The following ZNF451 variants were observed in gnomAD, a reference collection of about 807,000 sequenced individuals.
ZNF451 encodes the protein E3 SUMO-protein ligase ZNF451.
ZNF451 carries 80 observed loss-of-function variants against 107.1 expected under a neutral mutation model. That is an observed-to-expected ratio of 0.75 (90% CI 0.62 to 0.90). The LOEUF is 0.90. Ranked by LOEUF, ZNF451 falls within the 40% of genes least tolerant of loss-of-function variation. ZNF451 has a pLI of 0.00. For missense variants in ZNF451, 1,107 were observed against 1,236.2 expected, an observed-to-expected ratio of 0.90 and a Z score of 1.57; for synonymous variants, 362 against 406.5, an observed-to-expected ratio of 0.89 and a Z score of 1.32.
intron 2 of ZNF451, among the ~76,000 whole-genome samples, chr6:57,095,349 T>A (rs904238416): frequency 2.8e-5 from 4 of 141,244 alleles, no homozygotes; most frequent in African/African-American, 7.9e-5. Context: ...TTTTTTTTTT[T>A]AAAGAGATAG....
intron 12 of ZNF451, 136 bp from the exon 13 acceptor site, chr6:57,153,725 T>TATGTC: frequency 1.2e-6 from 1 of 819,740 alleles, no homozygotes; most frequent in Non-Finnish European, 1.9e-6. Flanking sequence ...AGGAGATCTT[T>TATGTC]ATGTCATACT....
rs755979596 is a variant in ZNF451, at chr6:57,133,091, A to C, written c.474A>C (p.Arg158Ser). 4.3e-6 allele frequency: 7 copies of C among 1,614,058 alleles called. No homozygotes were observed. The highest frequency in any genetic ancestry group is 8.5e-7 in the Non-Finnish European group (1 of 1,180,010). The change falls in exon 6 of 15, where the codon AGA (arginine) becomes AGC (serine). Residue 158 changes from arginine to serine, a missense_variant. Physicochemically the swap from Arg to Ser is moderately radical, Grantham distance 110 (BLOSUM62 -1). This residue lies in a region of ZNF451 where 339 missense variants were observed against 372.8 expected (regional missense o/e 0.91). Transcript: ENST00000370706. ...INCGTKSSFR[R>S]GGHTWVSGKP... ...GTGGAACAAAAAGTTCATTCCGAAGAGGAGGCCACACGTGGGTGTCTGGGA... is the reference window on the plus strand; with the variant it reads ...GTGGAACAAAAAGTTCATTCCGAAGCGGAGGCCACACGTGGGTGTCTGGGA...
chr6:57,167,058 T>C (rs149173486), intron 14 of ZNF451, among the ~76,000 whole-genome samples: 3,504 of 152,308 alleles, frequency 0.023, 56 homozygotes, highest in Non-Finnish European at 0.036. Context: ...TTATGATTTT[T>C]TTACTTTATA....
At chr6:57,107,946 C>T (rs967361055) in intron 3 of ZNF451, 1 of 558,028 alleles carries the variant, frequency 1.8e-6, no homozygotes, top group African/African-American at 2.1e-5. Flanking sequence ...TCACGCCATT[C>T]TCCTGCCTAA....
At chr6:57,163,531 A>G (rs1360194376) in intron 14 of ZNF451, among the ~76,000 whole-genome samples, 1 of 128,880 alleles carries the variant, frequency 7.8e-6, no homozygotes, top group South Asian at 2.5e-4. Context: ...GCTCACTGCA[A>G]GCTCCGCCTC....
chr6:57,141,209 A>C (rs962059767), intron 7 of ZNF451, 93 bp from the exon 8 acceptor site: 22 of 1,104,382 alleles, frequency 2.0e-5, no homozygotes, highest in Non-Finnish European at 2.6e-5. Flanking sequence ...GGATATTGCG[A>C]ATAAACAACA....
chr6:57,130,260 G>A (rs1186365562), intron 5 of ZNF451, among the ~76,000 whole-genome samples: 2 of 152,164 alleles, frequency 1.3e-5, no homozygotes, highest in Admixed American at 1.3e-4. Flanking sequence ...AAATTATATG[G>A]CACTCCAGAT....
intron 4 of ZNF451, 113 bp from the exon 5 acceptor site, chr6:57,128,616 G>T: frequency 1.5e-6 from 1 of 649,120 alleles, no homozygotes; most frequent in Admixed American, 3.0e-5. Context: ...TCTAGATGTG[G>T]AGTTCTGGGG....
At chr6:57,100,678 C>G (rs1267497003) in intron 3 of ZNF451, 2 of 1,550,142 alleles carry the variant, frequency 1.3e-6, no homozygotes, top group Non-Finnish European at 8.7e-7. Context: ...TGTTCCTCTT[C>G]CCATTGGAGA....
intron 2 of ZNF451, among the ~76,000 whole-genome samples, chr6:57,094,116 T>C (rs1321889060): frequency 6.6e-6 from 1 of 152,208 alleles, no homozygotes; most frequent in Non-Finnish European, 1.5e-5. Flanking sequence ...GAAATTGGTG[T>C]TTTGGCTTAG....
At chr6:57,102,494 T>G in intron 3 of ZNF451, 1 of 993,328 alleles carries the variant, frequency 1.0e-6, no homozygotes, top group Non-Finnish European at 1.2e-6. Context: ...ATACTAGATG[T>G]CTGTTTACTA....
chr6:57,109,843 TATCTGTGTTG>T (rs1313008838), intron 3 of ZNF451: 1 of 509,362 alleles, frequency 2.0e-6, no homozygotes, highest in Non-Finnish European at 2.5e-6. Flanking sequence ...TGTTATTTCA[TATCTGTGTTG>T]AAAACAGTCT....
intron 3 of ZNF451, chr6:57,108,889 G>C: frequency 1.0e-6 from 1 of 985,420 alleles, no homozygotes; most frequent in African/African-American, 1.7e-5. Flanking sequence ...AACTTGCTCA[G>C]GTGGTGGAAC....
rs531907248 is a variant in ZNF451 at position 57,093,519 on chromosome 6, GA to G, written c.105+2628del. 3.1e-3 allele frequency among the ~76,000 whole-genome samples: 467 copies of G among 152,304 alleles called. 2 individuals are homozygous for G. Among genetic ancestry groups the G allele is most frequent in the Non-Finnish European group, 5.4e-3 (369 of 68,018 alleles). On this transcript the variant is annotated intron_variant, in intron 2 of 14. Coordinates refer to ENST00000370706, the MANE Select transcript of ZNF451 (RefSeq NM_001031623.3). ...TCCTTAGAGCTACAAGGATTAATTT[GA>G]AATACATCCTACCCTTAAGGGTCAG... is the stretch of plus-strand genomic sequence containing the variant.
At chr6:57,139,860 T>C (rs1831666379) in intron 7 of ZNF451, among the ~76,000 whole-genome samples, 1 of 151,966 alleles carries the variant, frequency 6.6e-6, no homozygotes, top group Admixed American at 6.6e-5. Flanking sequence ...TTGGGCAACA[T>C]GGAAAGACCT....
At chr6:57,138,753 G>A (rs1424479630) in intron 7 of ZNF451, among the ~76,000 whole-genome samples, 1 of 126,236 alleles carries the variant, frequency 7.9e-6, no homozygotes, top group Non-Finnish European at 1.7e-5. Flanking sequence ...GTGTGTGTGT[G>A]TGTGTGTGTG....
intron 2 of ZNF451, among the ~76,000 whole-genome samples, chr6:57,093,253 A>G (rs543298277): frequency 6.6e-6 from 1 of 152,216 alleles, no homozygotes; most frequent in Non-Finnish European, 1.5e-5. Context: ...TAACAAAACA[A>G]TACAAGAGAT....
intron 3 of ZNF451, chr6:57,105,242 T>A: frequency 2.0e-6 from 2 of 985,392 alleles, no homozygotes; most frequent in Non-Finnish European, 2.4e-6. Flanking sequence ...TTTAATGATC[T>A]GGTATTCTCA....
chr6:57,092,592 A>G (rs1052023979), intron 2 of ZNF451, among the ~76,000 whole-genome samples: 1 of 152,228 alleles, frequency 6.6e-6, no homozygotes, highest in African/African-American at 2.4e-5. Flanking sequence ...ATTTCAAAAT[A>G]TATTCAGAGA....
Sources: allele counts gnomAD v4.1 joint callset (sites outside exome capture counted in the v4.1 genomes callset), GRCh38; gene constraint gnomAD v4.1.1; regional missense constraint gnomAD v4.1.1; transcripts MANE v1.5; gene names NCBI Gene and HGNC (gene_info 2026-07-23, HGNC 2026-07-21).